The following GRIK2 variants were observed in gnomAD, a reference collection of about 807,000 sequenced individuals.
GRIK2 encodes glutamate receptor ionotropic, kainate 2.
A neutral mutation model predicts 100.3 loss-of-function variants in GRIK2; 32 were observed. That is an observed-to-expected ratio of 0.32 (90% CI 0.24 to 0.43). The LOEUF is 0.43. Among genes scored for constraint, GRIK2 ranks in the 20% least tolerant of loss-of-function variants. GRIK2 has a pLI of 1.00. For missense variants in GRIK2, 843 were observed against 1,114.9 expected (o/e 0.76, Z 3.47); for synonymous variants, 417 against 389.4 (o/e 1.07, Z -0.83).
intron 7 of GRIK2, among the ~76,000 whole-genome samples, chr6:101,730,743 T>C (rs1248863457): frequency 6.6e-6 from 1 of 150,942 alleles, no homozygotes; most frequent in East Asian, 1.9e-4. Flanking sequence ...AAAGAGATAA[T>C]AGAGAAAAGA....
chr6:101,971,426 A>G (rs900149951), intron 14 of GRIK2, among the ~76,000 whole-genome samples: 1 of 152,050 alleles, frequency 6.6e-6, no homozygotes, highest in Admixed American at 6.6e-5. Context: ...AGGTACTCCC[A>G]GTGGGAGATG....
chr6:101,799,715 T>C lies in GRIK2; in HGVS notation c.1019T>C (p.Met340Thr). 4.3e-6 allele frequency: 7 copies of C among 1,613,186 alleles called. No homozygotes were observed. The highest frequency in any genetic ancestry group is 5.9e-6 in the Non-Finnish European group (7 of 1,179,242). ...GTGGCCGTTCAACAGTTTCCCCAGA[T>C]GACAGTCAGTTCCTTGCAGTGTAAT... ...VSVAVQQFPQ[M>T]TVSSLQCNRH... Residue 340 changes from methionine (M) to threonine (T), a missense_variant, in exon 8 of 17, where the codon ATG (methionine) becomes ACG (threonine). Around this residue, in one of 3 missense-constraint regions of GRIK2, gnomAD observed 519 missense variants for 643.8 expected, o/e 0.81. Coordinates refer to ENST00000369134, the MANE Select transcript of GRIK2 (RefSeq NM_021956.5).
chr6:102,002,443 A>ATGTATATATAATTATATACACATATG (rs1562102068), intron 14 of GRIK2, among the ~76,000 whole-genome samples: 1 of 148,732 alleles, frequency 6.7e-6, no homozygotes, highest in Non-Finnish European at 1.5e-5. Flanking sequence ...ATACACATAT[A>ATGTATATATAATTATATACACATATG]TGTATATATA....
chr6:101,838,770 G>A lies in GRIK2; in HGVS notation c.1317+20287G>A, dbSNP rs553251090. ...GGGTTCCAGCAATTCTCGTGCCTCAGCCTCCCAAGTAGCTGGGATTACAGC... is the reference window on the plus strand; with the variant it reads ...GGGTTCCAGCAATTCTCGTGCCTCAACCTCCCAAGTAGCTGGGATTACAGC... On this transcript the variant is annotated intron_variant, in intron 10 of 16. Transcript: ENST00000369134. Among the ~76,000 whole-genome samples, 8 of 151,652 alleles carry A rather than the reference G, an allele frequency of 5.3e-5. No individual in the cohort carries two copies. The East Asian group carries it at 1.2e-3, about 22-fold the overall frequency.
At position 101,626,615 on chromosome 6, in the gene GRIK2, G is replaced by A. The variant is rs147153195; in HGVS notation, c.519G>A (p.Thr173=). The A allele has an allele frequency of 4.9e-5, 79 of 1,613,648 alleles. No individual in the cohort carries two copies. In the African/African-American group the frequency reaches 6.4e-4, roughly 13 times the overall value. Residue 173 remains threonine, a synonymous_variant, in exon 4 of 17, where the codon ACG becomes ACA. Transcript: ENST00000369134. The part of the protein sequence containing the change: ...LVQFFKWKTV[T]VVYDDSTGLI... ...AGTTTTTCAAGTGGAAAACCGTCAC[G>A]GTTGTGTATGATGACAGCACTGGTA...
chr6:102,030,798 C>T (rs1056945423), intron 14 of GRIK2, among the ~76,000 whole-genome samples: 3 of 150,986 alleles, frequency 2.0e-5, no homozygotes, highest in African/African-American at 7.3e-5. Context: ...CTATCCACGA[C>T]TTGGTCAATT....
chr6:101,550,985 T>C (rs1205230087), intron 2 of GRIK2, among the ~76,000 whole-genome samples: 2 of 152,118 alleles, frequency 1.3e-5, no homozygotes, highest in Admixed American at 1.3e-4. Context: ...TTCTCTTCTC[T>C]GCTCCCTGCT....
At chr6:101,570,616 C>G (rs911685940) in intron 2 of GRIK2, among the ~76,000 whole-genome samples, 2 of 152,098 alleles carry the variant, frequency 1.3e-5, no homozygotes, top group African/African-American at 4.8e-5. Flanking sequence ...TTCCATGTAC[C>G]TAAACTTGGA....
chr6:101,867,699 A>C lies in GRIK2; in HGVS notation c.1524+8206A>C, dbSNP rs188861415. Among the ~76,000 whole-genome samples, 425 of 151,730 alleles carry C rather than the reference A, an allele frequency of 2.8e-3. 7 individuals are homozygous for C. Among genetic ancestry groups the C allele is most frequent in the South Asian group, 9.7e-3 (47 of 4,828 alleles). On this transcript the variant is annotated intron_variant, in intron 11 of 16. Coordinates refer to ENST00000369134, the MANE Select transcript of GRIK2 (RefSeq NM_021956.5). ...GTGTTTAATTTTTCTTTCAGTACTA[A>C]TATAATAAAGAATGTCTTCTCATGC...
intron 14 of GRIK2, among the ~76,000 whole-genome samples, chr6:102,022,278 A>G (rs1341790037): frequency 2.0e-5 from 3 of 151,630 alleles, no homozygotes; most frequent in Non-Finnish European, 4.4e-5. Context: ...ACAGTTGTTA[A>G]TGAATTAAAA....
intron 14 of GRIK2, among the ~76,000 whole-genome samples, chr6:102,020,169 C>A (rs1341713165): frequency 1.3e-5 from 2 of 151,764 alleles, no homozygotes; most frequent in East Asian, 1.9e-4. Context: ...AACTCTTAGA[C>A]CTTTCATTCT....
intron 3 of GRIK2, among the ~76,000 whole-genome samples, chr6:101,622,723 T>A (rs1780224406): frequency 6.6e-6 from 1 of 152,038 alleles, no homozygotes; most frequent in Admixed American, 6.6e-5. Flanking sequence ...TTATGAGTTT[T>A]ATTTTCATGT....
At chr6:101,728,103 A>G (rs1311954319) in intron 7 of GRIK2, among the ~76,000 whole-genome samples, 2 of 152,080 alleles carry the variant, frequency 1.3e-5, no homozygotes, top group East Asian at 1.9e-4. Context: ...AAAAATATCT[A>G]ATTTGAAAGC....
chr6:101,565,915 TTATATATATATATATATGTG>T lies in GRIK2; in HGVS notation c.116-56016_116-55997del, dbSNP rs1457698429. Among the ~76,000 whole-genome samples the T allele has an allele frequency of 1.6e-3, 198 of 123,310 alleles. 3 individuals carry two copies. The highest frequency in any genetic ancestry group is 4.2e-3 in the Middle Eastern group (1 of 240). The allele number at this position is 123,310 out of a possible 152,430, so 80.9% of individuals were successfully genotyped here. On this transcript the variant is annotated intron_variant, in intron 2 of 16. Coordinates refer to ENST00000369134, the MANE Select transcript of GRIK2 (RefSeq NM_021956.5). Reference sequence around the variant, plus strand: ...CAATCTTTATCTTTATATACCTATTTTATATATATATATATATGTGTATATATATATATATATATATATAA... The same window carrying T: ...CAATCTTTATCTTTATATACCTATTTTATATATATATATATATATATATAA...
intron 10 of GRIK2, among the ~76,000 whole-genome samples, chr6:101,829,884 A>G (rs1782566561): frequency 6.6e-6 from 1 of 152,002 alleles, no homozygotes; most frequent in African/African-American, 2.4e-5. Context: ...AATCCTGTCA[A>G]ATTACCAATG....
intron 8 of GRIK2, among the ~76,000 whole-genome samples, chr6:101,800,449 T>G (rs1280014196): frequency 6.6e-6 from 1 of 152,068 alleles, no homozygotes; most frequent in Non-Finnish European, 1.5e-5. Flanking sequence ...AGAAAGTCCT[T>G]TGTTAACTTA....
intron 12 of GRIK2, among the ~76,000 whole-genome samples, chr6:101,895,499 C>T (rs769503506): frequency 8.6e-5 from 13 of 151,696 alleles, no homozygotes; most frequent in Non-Finnish European, 1.6e-4. Flanking sequence ...TATGGACTAG[C>T]GTGCAATAGC....
At chr6:101,888,145 T>TTGAA (rs995061268) in intron 11 of GRIK2, among the ~76,000 whole-genome samples, 1 of 152,118 alleles carries the variant, frequency 6.6e-6, no homozygotes, top group South Asian at 2.1e-4. Context: ...GTACAAATTA[T>TTGAA]TGAATGAATG....
chr6:101,496,608 A>G (rs1017530914), intron 2 of GRIK2, among the ~76,000 whole-genome samples: 45 of 152,210 alleles, frequency 3.0e-4, no homozygotes, highest in African/African-American at 1.4e-4. Context: ...GATAAACACA[A>G]TCTGTACCTT....
Sources: gnomAD v4.1 joint callset for allele counts (sites outside exome capture counted in the v4.1 genomes callset) on GRCh38, gnomAD v4.1.1 for gene constraint, gnomAD v4.1.1 regional missense constraint, MANE v1.5 for transcripts, NCBI Gene and HGNC (gene_info 2026-07-23, HGNC 2026-07-21) for gene names.